The following RPS6KC1 variants were observed in gnomAD, a reference collection of about 807,000 sequenced individuals.
The protein encoded by RPS6KC1 is ribosomal protein S6 kinase C1.
In RPS6KC1, 54 loss-of-function variants were observed where a neutral mutation model predicts 103.8. The ratio of observed to expected loss-of-function variants is 0.52; its 90% CI spans 0.42 to 0.65. The LOEUF is 0.65. Among genes scored for constraint, RPS6KC1 ranks in the 30% least tolerant of loss-of-function variants. The pLI, the probability that RPS6KC1 is intolerant of heterozygous loss-of-function variation, is 0.00. For synonymous variants in RPS6KC1, 439 were observed against 438.7 expected (o/e 1.00, Z -0.01); for missense variants, 1,151 against 1,253.8 (o/e 0.92, Z 1.24).
the RPS6KC1 span, among the ~76,000 whole-genome samples, chr1:213,415,753 C>T: frequency 1.3e-5 from 2 of 152,182 alleles, no homozygotes; most frequent in African/African-American, 4.8e-5. Flanking sequence ...TAAAAAACTC[C>T]AGGATTGTAG....
chr1:213,181,995 A>G (rs1459215105), intron 8 of RPS6KC1, among the ~76,000 whole-genome samples: 1 of 152,156 alleles, frequency 6.6e-6, no homozygotes, highest in Non-Finnish European at 1.5e-5. Flanking sequence ...AAATTCTAAC[A>G]CTCTCTGATG....
the RPS6KC1 span, among the ~76,000 whole-genome samples, chr1:213,678,460 A>G: frequency 6.6e-6 from 1 of 151,270 alleles, no homozygotes; most frequent in Non-Finnish European, 1.5e-5. Flanking sequence ...GGCAATAAAA[A>G]TGATCTAATA....
At chr1:213,787,732 C>T in the RPS6KC1 span, among the ~76,000 whole-genome samples, 1 of 152,130 alleles carries the variant, frequency 6.6e-6, no homozygotes, top group South Asian at 2.1e-4. Context: ...AACACTTTAA[C>T]AATCTGACAA....
At chr1:213,062,605 G>A (rs1157332171) in intron 1 of RPS6KC1, among the ~76,000 whole-genome samples, 1 of 151,456 alleles carries the variant, frequency 6.6e-6, no homozygotes, top group Non-Finnish European at 1.5e-5. Context: ...TCACCAGGCT[G>A]GAGTACAGTG....
chr1:213,683,450 G>A, the RPS6KC1 span, among the ~76,000 whole-genome samples: 1 of 152,062 alleles, frequency 6.6e-6, no homozygotes, highest in Non-Finnish European at 1.5e-5. Context: ...CTATCTTGAG[G>A]TCCCCAGGCT....
chr1:213,128,744 G>A (rs2085271761), intron 5 of RPS6KC1, among the ~76,000 whole-genome samples: 1 of 152,138 alleles, frequency 6.6e-6, no homozygotes, highest in Admixed American at 6.5e-5. Flanking sequence ...TTACCTAAAA[G>A]CACACTTCTG....
At chr1:213,700,392 C>A in the RPS6KC1 span, among the ~76,000 whole-genome samples, 2 of 151,922 alleles carry the variant, frequency 1.3e-5, no homozygotes. Flanking sequence ...CTCTGTTTTG[C>A]TCCATTGGCC....
chr1:213,424,956 G>A, the RPS6KC1 span, among the ~76,000 whole-genome samples: 13 of 152,138 alleles, frequency 8.5e-5, no homozygotes, highest in Admixed American at 8.5e-4. Context: ...CAAGGACAGA[G>A]GCTGAAGCCC....
chr1:213,828,919 C>A, the RPS6KC1 span, among the ~76,000 whole-genome samples: 1 of 152,166 alleles, frequency 6.6e-6, no homozygotes, highest in Non-Finnish European at 1.5e-5. Context: ...AATGTAATCA[C>A]AGTTTTTAAT....
chr1:213,699,394 C>T, the RPS6KC1 span, among the ~76,000 whole-genome samples: 1 of 152,144 alleles, frequency 6.6e-6, no homozygotes, highest in African/African-American at 2.4e-5. Flanking sequence ...GACAGGATCT[C>T]ATTTTTTAAT....
the RPS6KC1 span, among the ~76,000 whole-genome samples, chr1:213,692,257 T>C: frequency 6.6e-6 from 1 of 151,938 alleles, no homozygotes; most frequent in African/African-American, 2.4e-5. Context: ...TAGCTGGGCA[T>C]GGTGGCACGT....
At chr1:213,237,117 A>G (rs2094239487) in intron 10 of RPS6KC1, among the ~76,000 whole-genome samples, 2 of 151,800 alleles carry the variant, frequency 1.3e-5, no homozygotes, top group Non-Finnish European at 2.9e-5. Flanking sequence ...TTGAGCTTGC[A>G]TTTTTTCCCC....
At chr1:213,645,108 C>G in the RPS6KC1 span, among the ~76,000 whole-genome samples, 1 of 152,086 alleles carries the variant, frequency 6.6e-6, no homozygotes, top group Non-Finnish European at 1.5e-5. Flanking sequence ...TAGCAACTGC[C>G]TTTTTTGGCT....
chr1:213,774,668 C>A, the RPS6KC1 span, among the ~76,000 whole-genome samples: 2 of 152,094 alleles, frequency 1.3e-5, 1 homozygote, highest in African/African-American at 4.8e-5. Context: ...TGGAATAGTC[C>A]GTGTGTGTAT....
At chr1:213,053,792 T>C (rs777610501) in intron 1 of RPS6KC1, among the ~76,000 whole-genome samples, 1 of 152,152 alleles carries the variant, frequency 6.6e-6, no homozygotes, top group Non-Finnish European at 1.5e-5. Context: ...AGTATAATTA[T>C]TTGTATTGTT....
the RPS6KC1 span, among the ~76,000 whole-genome samples, chr1:213,350,576 A>G: frequency 2.6e-5 from 4 of 152,172 alleles, no homozygotes; most frequent in African/African-American, 9.7e-5. Flanking sequence ...CTTCTTAAGG[A>G]TGACATAATA....
chr1:213,815,483 G>A, the RPS6KC1 span, among the ~76,000 whole-genome samples: 1 of 152,168 alleles, frequency 6.6e-6, no homozygotes, highest in African/African-American at 2.4e-5. Context: ...GTCCTATTGT[G>A]CATATGACCA....
chr1:213,457,739 A>G, the RPS6KC1 span, among the ~76,000 whole-genome samples: 2 of 152,362 alleles, frequency 1.3e-5, no homozygotes, highest in African/African-American at 4.8e-5. Context: ...GTCTTTTGCA[A>G]GGAACAATTG....
At chr1:213,641,746 C>T in the RPS6KC1 span, among the ~76,000 whole-genome samples, 1 of 152,088 alleles carries the variant, frequency 6.6e-6, no homozygotes, top group East Asian at 1.9e-4. Flanking sequence ...ATTCAGAAAC[C>T]ATTCACTTCT....
Sources: gnomAD v4.1 joint callset for allele counts (sites outside exome capture counted in the v4.1 genomes callset) on GRCh38, gnomAD v4.1.1 for gene constraint, MANE v1.5 for transcripts, NCBI Gene and HGNC (gene_info 2026-07-23, HGNC 2026-07-21) for gene names.